CSMD3: variants seen among roughly 807,000 people sequenced by gnomAD.
CSMD3 encodes the protein CUB and sushi domain-containing protein 3.
Under a neutral mutation model 435.2 loss-of-function variants are expected in CSMD3, and 177 were observed. The observed-to-expected ratio is 0.41, with a 90% CI of 0.36 to 0.46. The LOEUF is 0.46. Ranked by LOEUF, CSMD3 falls within the 20% of genes least tolerant of loss-of-function variation. The pLI is 0.34. For missense variants in CSMD3, 4,265 were observed against 4,504.6 expected, an observed-to-expected ratio of 0.95 and a Z score of 1.52; for synonymous variants, 1,656 against 1,520.5, an observed-to-expected ratio of 1.09 and a Z score of -2.07.
intron 9 of CSMD3, among the ~76,000 whole-genome samples, chr8:112,929,860 T>G (rs192142847): frequency 3.8e-4 from 58 of 152,240 alleles, no homozygotes; most frequent in Middle Eastern, 3.5e-3. Flanking sequence ...ATAATTTTTT[T>G]TCTGTGACAG....
intron 13 of CSMD3, among the ~76,000 whole-genome samples, chr8:112,753,066 C>T (rs2077611546): frequency 1.3e-5 from 2 of 152,022 alleles, no homozygotes; most frequent in African/African-American, 2.4e-5. Flanking sequence ...GCTGGGACTG[C>T]AGGCACATGC....
intron 13 of CSMD3, among the ~76,000 whole-genome samples, chr8:112,784,451 A>C (rs2078483961): frequency 6.6e-6 from 1 of 151,662 alleles, no homozygotes. Flanking sequence ...AAATTGAAAC[A>C]AAAAAAATAC....
intron 3 of CSMD3, among the ~76,000 whole-genome samples, chr8:113,268,968 G>C (rs1235542898): frequency 6.6e-6 from 1 of 152,014 alleles, no homozygotes; most frequent in Non-Finnish European, 1.5e-5. Flanking sequence ...TTAGGAGTTA[G>C]GGCAAAAGCT....
At chr8:113,235,790 T>A (rs1381810679) in intron 3 of CSMD3, among the ~76,000 whole-genome samples, 2 of 152,126 alleles carry the variant, frequency 1.3e-5, no homozygotes, top group Non-Finnish European at 2.9e-5. Context: ...TGTCCCCTTG[T>A]GTGAAGCCCA....
chr8:112,292,444 T>C (rs999879022), intron 55 of CSMD3, 93 bp downstream of exon 55: 2 of 1,298,404 alleles, frequency 1.5e-6, no homozygotes, highest in African/African-American at 2.9e-5. Context: ...AAAAACTTTT[T>C]ACTATTCTGC....
intron 3 of CSMD3, among the ~76,000 whole-genome samples, chr8:113,268,884 T>A (rs2093495040): frequency 6.6e-6 from 1 of 152,006 alleles, no homozygotes; most frequent in Non-Finnish European, 1.5e-5. Context: ...AATAAAAAAT[T>A]CAGATATATT....
chr8:112,594,043 G>C (rs545473503), intron 22 of CSMD3, among the ~76,000 whole-genome samples: 1 of 152,144 alleles, frequency 6.6e-6, no homozygotes, highest in Non-Finnish European at 1.5e-5. Context: ...AACAGCTCCG[G>C]TCTACAGCTC....
intron 27 of CSMD3, among the ~76,000 whole-genome samples, chr8:112,526,907 T>C (rs960694693): frequency 6.6e-6 from 1 of 151,978 alleles, no homozygotes; most frequent in African/African-American, 2.4e-5. Context: ...TAGGTTTGTC[T>C]ATTTGACATA....
At chr8:112,303,771 A>G (rs1270501937) in intron 52 of CSMD3, among the ~76,000 whole-genome samples, 1 of 152,208 alleles carries the variant, frequency 6.6e-6, no homozygotes, top group Non-Finnish European at 1.5e-5. Flanking sequence ...AAATAATATC[A>G]GATACTTGTG....
intron 32 of CSMD3, among the ~76,000 whole-genome samples, chr8:112,426,619 A>C (rs553742504): frequency 1.3e-5 from 2 of 152,326 alleles, no homozygotes; most frequent in East Asian, 3.9e-4. Flanking sequence ...CTGGTGAGCT[A>C]TCACCAGATA....
intron 50 of CSMD3, chr8:112,310,295 C>A (rs1821848727): frequency 6.5e-6 from 1 of 152,876 alleles, no homozygotes; most frequent in Non-Finnish European, 1.5e-5. Flanking sequence ...TCTCAGCTCA[C>A]TGCAACCTCC....
chr8:113,111,247 T>C (rs904219791), intron 4 of CSMD3, among the ~76,000 whole-genome samples: 2 of 152,244 alleles, frequency 1.3e-5, no homozygotes, highest in South Asian at 2.1e-4. Flanking sequence ...ATTATATATA[T>C]ATTTATGGGG....
chr8:113,191,786 T>C (rs531574222), intron 3 of CSMD3, among the ~76,000 whole-genome samples: 1 of 151,902 alleles, frequency 6.6e-6, no homozygotes, highest in East Asian at 1.9e-4. Context: ...GTAATAAGAT[T>C]GCTGGGTCAA....
chr8:113,186,701 A>ACATTACTT (rs963499885), intron 3 of CSMD3, among the ~76,000 whole-genome samples: 2 of 152,000 alleles, frequency 1.3e-5, no homozygotes, highest in African/African-American at 4.8e-5. Flanking sequence ...GTGTTCCCTG[A>ACATTACTT]CATTACTTAG....
At chr8:112,620,631 A>G (rs1833995183) in intron 22 of CSMD3, among the ~76,000 whole-genome samples, 1 of 152,114 alleles carries the variant, frequency 6.6e-6, no homozygotes, top group Non-Finnish European at 1.5e-5. Context: ...AAATTAATCA[A>G]CTGACCACCA....
chr8:112,979,031 C>G lies in CSMD3; in HGVS notation c.1031-2883G>C, dbSNP rs552390394. Among the ~76,000 whole-genome samples, 6 of 152,016 alleles carry G rather than the reference C, an allele frequency of 3.9e-5. No homozygotes were observed. The East Asian group carries it at 1.2e-3, about 29-fold the overall frequency. ...CAGTGACATGAATGAAGAGCAATTT[C>G]AAAGCAGGGGGAACATAAAATTTTG... On this transcript the variant is annotated intron_variant, in intron 6 of 70. Coordinates refer to ENST00000297405, the MANE Select transcript of CSMD3 (RefSeq NM_198123.2).
chr8:113,096,443 C>T (rs2090164754), intron 5 of CSMD3, among the ~76,000 whole-genome samples: 1 of 152,098 alleles, frequency 6.6e-6, no homozygotes, highest in South Asian at 2.1e-4. Context: ...AGCCTCACCT[C>T]CACTGCTATT....
intron 38 of CSMD3, among the ~76,000 whole-genome samples, chr8:112,360,833 C>T (rs1223570989): frequency 6.6e-6 from 1 of 151,808 alleles, no homozygotes; most frequent in Non-Finnish European, 1.5e-5. Context: ...ATGATATAAT[C>T]AGATAAGTCA....
At chr8:113,436,549 A>C in intron 1 of CSMD3, 128 bp downstream of exon 1, 1 of 875,322 alleles carries the variant, frequency 1.1e-6, no homozygotes, top group Non-Finnish European at 1.9e-6. Flanking sequence ...ACGAGCTGTG[A>C]ATCAACTCCT....
Sources: gnomAD v4.1 joint callset for allele counts (sites outside exome capture counted in the v4.1 genomes callset) on GRCh38, gnomAD v4.1.1 for gene constraint, MANE v1.5 for transcripts, NCBI Gene and HGNC (gene_info 2026-07-23, HGNC 2026-07-21) for gene names.